The following TLK2 variants were observed in gnomAD, a reference collection of about 807,000 sequenced individuals.
TLK2 encodes the protein tousled like kinase 2.
A neutral mutation model predicts 117.3 loss-of-function variants in TLK2; 6 were observed. The ratio of observed to expected loss-of-function variants is 0.05; its 90% CI spans 0.03 to 0.10. The LOEUF is 0.10. TLK2 is among the 10% of genes least tolerant of loss of function. The probability of loss-of-function intolerance (pLI) is 1.00; values close to 1 mark genes in which losing one functional copy is unlikely to be tolerated. For synonymous variants in TLK2, 257 were observed against 316.7 expected, an observed-to-expected ratio of 0.81 and a Z score of 2.00; for missense variants, 299 against 901.2, an observed-to-expected ratio of 0.33 and a Z score of 8.56.
chr17:62,581,034 A>G (rs1418094381), intron 15 of TLK2, among the ~76,000 whole-genome samples: 1 of 151,988 alleles, frequency 6.6e-6, no homozygotes, highest in Non-Finnish European at 1.5e-5. Flanking sequence ...TATTTTAGAG[A>G]TGGGGTCTTG....
rs184192061 is a variant in TLK2, at chr17:62,514,174, C to T, written c.82-6599C>T. Reference sequence around the variant, plus strand: ...TTTTTTTTTTTTTGAGATGGAGTCTCGCTCTATTGCCCAGGCTGGTGTGCA... The same window carrying T: ...TTTTTTTTTTTTTGAGATGGAGTCTTGCTCTATTGCCCAGGCTGGTGTGCA... On this transcript the variant is annotated intron_variant, in intron 2 of 21. Transcript: ENST00000346027. 2.0e-3 allele frequency among the ~76,000 whole-genome samples: 302 copies of T among 150,430 alleles called. 1 individual carries two copies. The highest frequency in any genetic ancestry group is 6.9e-3 in the African/African-American group (284 of 40,906).
intron 2 of TLK2, among the ~76,000 whole-genome samples, chr17:62,489,743 T>C (rs1323261828): frequency 6.6e-6 from 1 of 152,224 alleles, no homozygotes; most frequent in African/African-American, 2.4e-5. Context: ...ATTCACATTT[T>C]GCATTATTAG....
At chr17:62,529,768 T>C (rs2076615996) in intron 6 of TLK2, among the ~76,000 whole-genome samples, 1 of 152,222 alleles carries the variant, frequency 6.6e-6, no homozygotes, top group African/African-American at 2.4e-5. Context: ...ATGTGTTTTT[T>C]ATTTATCTTG....
At chr17:62,475,488 G>C (rs200680970), upstream of TLK2, among the ~76,000 whole-genome samples, 20 of 152,076 alleles carry the variant, frequency 1.3e-4, no homozygotes, top group East Asian at 3.5e-3. Flanking sequence ...GATTACAGGT[G>C]CCCACCACCA....
intron 2 of TLK2, among the ~76,000 whole-genome samples, chr17:62,495,262 G>A (rs1010298649): frequency 3.9e-5 from 6 of 151,920 alleles, no homozygotes; most frequent in Non-Finnish European, 5.9e-5. Context: ...TCTAGCCCGC[G>A]CAACAGGAGG....
At chr17:62,591,214 A>G (rs1442822405) in intron 16 of TLK2, among the ~76,000 whole-genome samples, 1 of 152,204 alleles carries the variant, frequency 6.6e-6, no homozygotes, top group East Asian at 1.9e-4. Context: ...GCACCACTGC[A>G]CCCCAGCCTG....
chr17:62,560,202 T>C (rs2079154424), intron 10 of TLK2, 76 bp downstream of exon 10: 1 of 921,774 alleles, frequency 1.1e-6, no homozygotes, highest in Non-Finnish European at 1.6e-6. Context: ...TCTTATTCCT[T>C]ACTTGAGATG....
chr17:62,600,586 A>G (rs2082804624), intron 17 of TLK2, 65 bp from the exon 18 acceptor site: 3 of 1,412,078 alleles, frequency 2.1e-6, no homozygotes, highest in African/African-American at 1.4e-5. Flanking sequence ...ACATGGGACT[A>G]ATTTAGGTAG....
chr17:62,502,471 A>C (rs1408344765), intron 2 of TLK2, among the ~76,000 whole-genome samples: 1 of 152,222 alleles, frequency 6.6e-6, no homozygotes, highest in Non-Finnish European at 1.5e-5. Flanking sequence ...CTTTCTATAT[A>C]ATACTCCAAA....
intron 2 of TLK2, among the ~76,000 whole-genome samples, chr17:62,507,869 A>G (rs1464255632): frequency 6.6e-6 from 1 of 151,872 alleles, no homozygotes; most frequent in Non-Finnish European, 1.5e-5. Context: ...AGATCCCCCT[A>G]GAAAAAAAAG....
chr17:62,587,232 A>G (rs114169238), intron 16 of TLK2, among the ~76,000 whole-genome samples: 2 of 152,096 alleles, frequency 1.3e-5, no homozygotes, highest in Admixed American at 6.6e-5. Flanking sequence ...TTCATGGCTC[A>G]TTTGCTTTAG....
intron 2 of TLK2, among the ~76,000 whole-genome samples, chr17:62,499,587 C>T (rs1031953912): frequency 4.0e-5 from 6 of 151,696 alleles, no homozygotes; most frequent in African/African-American, 9.7e-5. Context: ...AGGTGGCTCA[C>T]GCCTGTAATC....
At chr17:62,560,191 T>G in intron 10 of TLK2, 65 bp downstream of exon 10, 4 of 947,744 alleles carry the variant, frequency 4.2e-6, no homozygotes, top group Non-Finnish European at 6.1e-6. Flanking sequence ...ATTGTGTGGC[T>G]TCTTATTCCT....
At position 62,533,010 on chromosome 17, in the gene TLK2, T is replaced by G. The variant is rs868063136; in HGVS notation, c.364-3160T>G. Among the ~76,000 whole-genome samples the G allele has an allele frequency of 7.2e-5, 11 of 152,266 alleles. No individual in the cohort carries two copies. In the South Asian group the frequency reaches 2.3e-3, roughly 32 times the overall value. On this transcript the variant is annotated intron_variant, in intron 6 of 21. Transcript: ENST00000346027. The stretch of plus-strand genomic sequence containing the variant: ...GAAAAATACCTTGTTTTAACTTGCA[T>G]TTGTTCATTAGTTATGTATATTAAA...
In TLK2 at chr17:62,606,196, G is replaced by A; in HGVS notation, c.1926G>A (p.Val642=). The change falls in exon 20 of 22, where the codon GTG becomes GTA. Residue 642 remains valine, a synonymous_variant. Transcript: ENST00000346027. The part of the protein sequence containing the change: ...EPPKISNKVD[V]WSVGVIFYQC... ...CAAAGATCTCAAATAAAGTTGATGT[G>A]TGGTCGGTGGGTGTGATCTTCTATC... 1 of 1,603,342 alleles carries A rather than the reference G, an allele frequency of 6.2e-7. No homozygotes were observed. The highest frequency in any genetic ancestry group is 8.5e-7 in the Non-Finnish European group (1 of 1,172,780).
At chr17:62,495,013 A>C (rs540536685) in intron 2 of TLK2, among the ~76,000 whole-genome samples, 1 of 152,168 alleles carries the variant, frequency 6.6e-6, no homozygotes, top group African/African-American at 2.4e-5. Context: ...TAAAAAATAC[A>C]AAAATTAGCT....
intron 13 of TLK2, among the ~76,000 whole-genome samples, chr17:62,577,314 C>G (rs1308500670): frequency 6.6e-6 from 1 of 152,020 alleles, no homozygotes; most frequent in East Asian, 1.9e-4. Context: ...CAGTGTTTTT[C>G]CCCCTAGTGA....
chr17:62,502,449 A>G (rs1402854747), intron 2 of TLK2, among the ~76,000 whole-genome samples: 1 of 152,232 alleles, frequency 6.6e-6, no homozygotes, highest in African/African-American at 2.4e-5. Flanking sequence ...ACTTATGGTA[A>G]AAGAGTGAAT....
rs1385208928 is a variant in TLK2 at position 62,546,341 on chromosome 17, A to ATTTTTTTTTTTTTTTT, written c.532-5959_532-5958insTTTTTTTTTTTTTTTT. ...AAAGTTCCCTATTTTGAGTTTGTTG[A>ATTTTTTTTTTTTTTTT]TTGTTTTTTTTTTTTTTTTACATAA... On this transcript the variant is annotated intron_variant, in intron 7 of 21. Coordinates refer to ENST00000346027, the MANE Select transcript of TLK2 (RefSeq NM_006852.6). Among the ~76,000 whole-genome samples, 34 of 8,854 alleles carry ATTTTTTTTTTTTTTTT rather than the reference A, an allele frequency of 3.8e-3. 1 individual carries two copies. The highest frequency in any genetic ancestry group is 0.012 in the Non-Finnish European group (28 of 2,412). 5.8% of individuals were successfully genotyped at this position (8,854 alleles called of 152,430 possible).
Sources: gnomAD v4.1 joint callset for allele counts (sites outside exome capture counted in the v4.1 genomes callset) on GRCh38, gnomAD v4.1.1 for gene constraint, MANE v1.5 for transcripts, NCBI Gene and HGNC (gene_info 2026-07-23, HGNC 2026-07-21) for gene names.